The following SNTB1 variants were observed in gnomAD, a reference collection of about 807,000 sequenced individuals.
The protein encoded by SNTB1 is beta-1-syntrophin.
In SNTB1, 36 loss-of-function variants were observed where a neutral mutation model predicts 48.9. The observed-to-expected ratio is 0.74, with a 90% CI of 0.56 to 0.97. The LOEUF is 0.97. Ranked by LOEUF, SNTB1 falls within the 50% of genes least tolerant of loss-of-function variation. SNTB1 has a pLI of 0.00. For missense variants in SNTB1, 786 were observed against 703.4 expected (o/e 1.12, Z -1.33); for synonymous variants, 299 against 294.6 (o/e 1.01, Z -0.15).
At chr8:120,649,275 G>GT (rs1160122848) in intron 2 of SNTB1, among the ~76,000 whole-genome samples, 6 of 151,204 alleles carry the variant, frequency 4.0e-5, no homozygotes, top group African/African-American at 7.3e-5. Context: ...TTCCTGTTCT[G>GT]TTTTTTCCCC....
intron 1 of SNTB1, among the ~76,000 whole-genome samples, chr8:120,778,172 C>T (rs1819768429): frequency 6.6e-6 from 1 of 152,200 alleles, no homozygotes; most frequent in Admixed American, 6.5e-5. Flanking sequence ...AACACAAAGT[C>T]ATTAAGTTCA....
At chr8:120,559,345 AGTT>A (rs1370118456) in intron 4 of SNTB1, among the ~76,000 whole-genome samples, 12 of 152,198 alleles carry the variant, frequency 7.9e-5, no homozygotes, top group Admixed American at 3.3e-4. Context: ...AAAAAGTGAA[AGTT>A]GTTAAGATTT....
intron 2 of SNTB1, 129 bp downstream of exon 2, chr8:120,693,563 C>A (rs1366001424): frequency 1.1e-5 from 8 of 751,410 alleles, no homozygotes; most frequent in African/African-American, 1.8e-5. Flanking sequence ...CTCAGCATGG[C>A]CCTTTCATGC....
intron 1 of SNTB1, among the ~76,000 whole-genome samples, chr8:120,698,653 G>A (rs1184274165): frequency 6.6e-6 from 1 of 152,102 alleles, no homozygotes; most frequent in African/African-American, 2.4e-5. Context: ...TGCTGGAAGA[G>A]ACTCCAAGTC....
chr8:120,792,666 C>T (rs759268899), intron 1 of SNTB1, among the ~76,000 whole-genome samples: 4 of 151,818 alleles, frequency 2.6e-5, no homozygotes, highest in African/African-American at 9.7e-5. Flanking sequence ...ATAGCGTTAA[C>T]CTGGGAAATG....
At chr8:120,627,710 C>G (rs1402828238) in intron 3 of SNTB1, among the ~76,000 whole-genome samples, 1 of 152,064 alleles carries the variant, frequency 6.6e-6, no homozygotes, top group African/African-American at 2.4e-5. Context: ...TTTGAATTAC[C>G]TTGGTATGTC....
chr8:120,793,361 G>C (rs898771366), intron 1 of SNTB1, among the ~76,000 whole-genome samples: 3 of 152,062 alleles, frequency 2.0e-5, no homozygotes, highest in Non-Finnish European at 4.4e-5. Flanking sequence ...TACTGTTATC[G>C]CCTTCAAAAG....
chr8:120,619,248 T>C (rs935319482), intron 3 of SNTB1, among the ~76,000 whole-genome samples: 3 of 152,070 alleles, frequency 2.0e-5, no homozygotes, highest in African/African-American at 7.2e-5. Context: ...GTTCATTAAA[T>C]ATGGAGTTAC....
intron 1 of SNTB1, among the ~76,000 whole-genome samples, chr8:120,722,249 C>T (rs574394826): frequency 5.9e-5 from 9 of 152,258 alleles, no homozygotes; most frequent in Admixed American, 2.6e-4. Flanking sequence ...ATAATCCTTT[C>T]GGTATATACC....
At chr8:120,660,497 C>T (rs1318259979) in intron 2 of SNTB1, among the ~76,000 whole-genome samples, 1 of 152,228 alleles carries the variant, frequency 6.6e-6, no homozygotes, top group Non-Finnish European at 1.5e-5. Flanking sequence ...CAGTTAGGGC[C>T]TTGCTCTGGA....
intron 4 of SNTB1, among the ~76,000 whole-genome samples, chr8:120,553,730 G>A (rs1002498041): frequency 1.3e-5 from 2 of 152,162 alleles, no homozygotes; most frequent in Non-Finnish European, 2.9e-5. Context: ...TGGACAGGGT[G>A]GCTGAAGCAT....
At chr8:120,676,631 A>G (rs1320186886) in intron 2 of SNTB1, among the ~76,000 whole-genome samples, 2 of 152,188 alleles carry the variant, frequency 1.3e-5, no homozygotes, top group Non-Finnish European at 2.9e-5. Flanking sequence ...CAGCTGAAAA[A>G]AGCTCAAAAT....
intron 1 of SNTB1, among the ~76,000 whole-genome samples, chr8:120,744,642 G>A (rs1051283756): frequency 2.0e-5 from 3 of 151,982 alleles, no homozygotes; most frequent in Non-Finnish European, 4.4e-5. Context: ...TTTAGTGTTG[G>A]TAGGTTTTTT....
At chr8:120,628,427 C>T (rs1816920815) in intron 3 of SNTB1, among the ~76,000 whole-genome samples, 1 of 152,142 alleles carries the variant, frequency 6.6e-6, no homozygotes, top group South Asian at 2.1e-4. Flanking sequence ...ATTTATGGGT[C>T]ATCTTGGGCC....
Position 120,659,380 on chromosome 8 carries a change from C to T in SNTB1, c.789-26729G>A, listed in dbSNP as rs867485321. Among the ~76,000 whole-genome samples the T allele has an allele frequency of 9.2e-5, 14 of 152,234 alleles. No individual in the cohort carries two copies. In the South Asian group the frequency reaches 1.5e-3, roughly 16 times the overall value. On this transcript the variant is annotated intron_variant, in intron 2 of 6. Coordinates refer to ENST00000517992, the MANE Select transcript of SNTB1 (RefSeq NM_021021.4). ...TTTTTTGCTCATCCATAAGAAACGA[C>T]GCCTGCATTTGTTCAAGTTTTATCA...
chr8:120,704,473 A>C (rs1335363780), intron 1 of SNTB1, among the ~76,000 whole-genome samples: 1 of 152,074 alleles, frequency 6.6e-6, no homozygotes, highest in Non-Finnish European at 1.5e-5. Context: ...AAAGAGAAAA[A>C]ACAAAAAACG....
Position 120,636,050 on chromosome 8 carries a change from C to T in SNTB1, c.789-3399G>A, listed in dbSNP as rs913178051. 4 of 817,756 alleles carry T rather than the reference C, an allele frequency of 4.9e-6. No homozygotes were observed. In the African/African-American group the frequency reaches 5.7e-5, roughly 12 times the overall value. 50.7% of individuals were successfully genotyped at this position (817,756 alleles called of 1,614,324 possible). A position where few individuals can be genotyped will look rare whatever the true frequency, so the allele number is the denominator to read the frequency against. ...CTACTGAGTTCTAAAGAACTCAAGG[C>T]TTTTTTTTTTATTATTTTAAAAAGG... On this transcript the variant is annotated intron_variant, in intron 2 of 6. Coordinates refer to ENST00000517992, the MANE Select transcript of SNTB1 (RefSeq NM_021021.4).
At chr8:120,692,102 G>T (rs972386344) in intron 2 of SNTB1, among the ~76,000 whole-genome samples, 9 of 152,106 alleles carry the variant, frequency 5.9e-5, no homozygotes, top group African/African-American at 2.2e-4. Flanking sequence ...TGGCTTTCTT[G>T]TACAACTGGC....
chr8:120,610,430 G>A (rs947501510), intron 3 of SNTB1, among the ~76,000 whole-genome samples: 5 of 152,126 alleles, frequency 3.3e-5, no homozygotes, highest in African/African-American at 7.2e-5. Context: ...CACTGCACCC[G>A]GCCCTGATTT....
Sources: allele counts gnomAD v4.1 joint callset (sites outside exome capture counted in the v4.1 genomes callset), GRCh38; gene constraint gnomAD v4.1.1; transcripts MANE v1.5; gene names NCBI Gene and HGNC (gene_info 2026-07-23, HGNC 2026-07-21).